SLC4A4: variants seen among roughly 807,000 people sequenced by gnomAD.
SLC4A4 encodes the protein electrogenic sodium bicarbonate cotransporter 1.
Under a neutral mutation model 111.5 loss-of-function variants are expected in SLC4A4, and 27 were observed. The ratio of observed to expected loss-of-function variants is 0.24; its 90% CI spans 0.18 to 0.33. The LOEUF (loss-of-function observed/expected upper bound fraction) is 0.33, where lower values mean the gene tolerates loss of function less well. Ranked by LOEUF, SLC4A4 falls within the 10% of genes least tolerant of loss-of-function variation. The pLI is 1.00. For synonymous variants in SLC4A4, 443 were observed against 463.4 expected (o/e 0.96, Z 0.57); for missense variants, 909 against 1,315.5 (o/e 0.69, Z 4.78).
At chr4:71,344,075 C>T (rs1169856981) in intron 4 of SLC4A4, among the ~76,000 whole-genome samples, 1 of 152,090 alleles carries the variant, frequency 6.6e-6, no homozygotes, top group Non-Finnish European at 1.5e-5. Flanking sequence ...CACCTGTCAT[C>T]ATTTAGCATA....
At chr4:71,512,584 A>AG (rs1182377061) in intron 16 of SLC4A4, among the ~76,000 whole-genome samples, 1 of 152,108 alleles carries the variant, frequency 6.6e-6, no homozygotes, top group Non-Finnish European at 1.5e-5. Flanking sequence ...CTCATTCCAT[A>AG]GGTTGTCTCT....
chr4:71,465,438 G>T (rs1308209030), intron 12 of SLC4A4, among the ~76,000 whole-genome samples: 1 of 150,950 alleles, frequency 6.6e-6, no homozygotes, highest in Admixed American at 6.6e-5. Context: ...GTCTACAAAA[G>T]AACCTTCCTA....
chr4:71,178,292 AG>A (rs1404599076), intron 2 of SLC4A4, among the ~76,000 whole-genome samples: 1 of 151,782 alleles, frequency 6.6e-6, no homozygotes, highest in Non-Finnish European at 1.5e-5. Context: ...TAAAAAAAAA[AG>A]AACTAGAGAA....
chr4:71,066,034 C>T (rs564592497), intron 1 of SLC4A4, among the ~76,000 whole-genome samples: 2 of 151,926 alleles, frequency 1.3e-5, no homozygotes, highest in Non-Finnish European at 2.9e-5. Flanking sequence ...TTTCTTGAAT[C>T]AATGAATGAA....
At chr4:71,087,014 G>C (rs1476377521) in intron 1 of SLC4A4, among the ~76,000 whole-genome samples, 1 of 151,940 alleles carries the variant, frequency 6.6e-6, no homozygotes, top group Non-Finnish European at 1.5e-5. Context: ...GGTAGAATTC[G>C]GCTGCGAATC....
At chr4:71,461,766 G>A (rs927997823) in intron 12 of SLC4A4, among the ~76,000 whole-genome samples, 2 of 152,080 alleles carry the variant, frequency 1.3e-5, no homozygotes, top group Non-Finnish European at 2.9e-5. Flanking sequence ...CCAAACACGG[G>A]CCATCCTTGG....
At chr4:71,526,381 C>T (rs1368507874) in intron 16 of SLC4A4, among the ~76,000 whole-genome samples, 3 of 152,026 alleles carry the variant, frequency 2.0e-5, no homozygotes, top group Non-Finnish European at 4.4e-5. Flanking sequence ...ATCACCCTGA[C>T]TGTGATTTTT....
chr4:71,347,610 A>G (rs1021031169), intron 4 of SLC4A4, among the ~76,000 whole-genome samples: 1 of 152,172 alleles, frequency 6.6e-6, no homozygotes, highest in Non-Finnish European at 1.5e-5. Flanking sequence ...ATAGGATTTC[A>G]ATATATGAAT....
intron 3 of SLC4A4, among the ~76,000 whole-genome samples, chr4:71,286,901 T>A (rs1049535770): frequency 6.6e-6 from 1 of 152,202 alleles, no homozygotes; most frequent in Non-Finnish European, 1.5e-5. Context: ...ATGTTATTAT[T>A]ATTTTTAGAA....
At chr4:71,254,019 T>C (rs1721265446) in intron 2 of SLC4A4, among the ~76,000 whole-genome samples, 3 of 152,150 alleles carry the variant, frequency 2.0e-5, no homozygotes, top group African/African-American at 7.2e-5. Flanking sequence ...ATATACCCCG[T>C]AGGTTACTGT....
chr4:71,423,450 G>T (rs943491323), intron 7 of SLC4A4, among the ~76,000 whole-genome samples: 1 of 152,150 alleles, frequency 6.6e-6, no homozygotes, highest in Non-Finnish European at 1.5e-5. Context: ...TGCCCATCAA[G>T]CTACCAATGA....
At chr4:71,525,540 T>G (rs1428098847) in intron 16 of SLC4A4, among the ~76,000 whole-genome samples, 3 of 152,252 alleles carry the variant, frequency 2.0e-5, no homozygotes, top group South Asian at 4.1e-4. Flanking sequence ...TTAATTTGTG[T>G]TCTCTTAGAT....
chr4:71,397,700 C>G lies in SLC4A4; in HGVS notation c.807+47C>G, dbSNP rs774050433. ...CTTTGAAATGTAAGAGAACGTATAT[C>G]TAAAAGATGCTGAGAAAGGATTAGA... On this transcript the variant is annotated intron_variant, in intron 7 of 25. Coordinates refer to ENST00000264485, the MANE Select transcript of SLC4A4 (RefSeq NM_001098484.3). 9 of 1,475,570 alleles carry G rather than the reference C, an allele frequency of 6.1e-6. No individual in the cohort carries two copies. In the South Asian group the frequency reaches 9.1e-5, roughly 15 times the overall value. 91.4% of individuals were successfully genotyped at this position (1,475,570 alleles called of 1,614,324 possible). A position where few individuals can be genotyped will look rare whatever the true frequency, so the allele number is the denominator to read the frequency against.
chr4:71,129,922 G>A (rs1313959947), intron 2 of SLC4A4, among the ~76,000 whole-genome samples: 1 of 151,938 alleles, frequency 6.6e-6, no homozygotes, highest in Non-Finnish European at 1.5e-5. Flanking sequence ...ATAAGTAGGA[G>A]CTAAACATTG....
At chr4:71,387,683 G>A (rs572517195) in intron 6 of SLC4A4, among the ~76,000 whole-genome samples, 52 of 152,102 alleles carry the variant, frequency 3.4e-4, no homozygotes, top group African/African-American at 1.2e-3. Context: ...TAGTAGAGAC[G>A]GAGTTTCTCC....
chr4:71,230,464 T>G (rs913474968), intron 1 of SLC4A4, among the ~76,000 whole-genome samples: 1 of 152,220 alleles, frequency 6.6e-6, no homozygotes, highest in African/African-American at 2.4e-5. Context: ...GTTTAAACAT[T>G]GGCTATGCAC....
intron 12 of SLC4A4, among the ~76,000 whole-genome samples, chr4:71,465,577 C>T (rs1343694449): frequency 6.6e-6 from 1 of 151,022 alleles, no homozygotes; most frequent in East Asian, 2.0e-4. Flanking sequence ...AAACTAATAA[C>T]TAAAGTTTGA....
At chr4:71,065,480 T>C (rs928500570) in intron 1 of SLC4A4, among the ~76,000 whole-genome samples, 6 of 148,424 alleles carry the variant, frequency 4.0e-5, no homozygotes, top group African/African-American at 1.5e-4. Flanking sequence ...TGATTTTGGC[T>C]GAAGATGAAA....
At chr4:71,351,308 A>G (rs1460898439) in intron 5 of SLC4A4, among the ~76,000 whole-genome samples, 1 of 152,122 alleles carries the variant, frequency 6.6e-6, no homozygotes, top group Admixed American at 6.5e-5. Flanking sequence ...CCTACAATCA[A>G]CCCTAACCCA....
Sources: gnomAD v4.1 joint callset for allele counts (sites outside exome capture counted in the v4.1 genomes callset) on GRCh38, gnomAD v4.1.1 for gene constraint, MANE v1.5 for transcripts, NCBI Gene and HGNC (gene_info 2026-07-23, HGNC 2026-07-21) for gene names.